Variants in H2BK1 observed in about 807,000 individuals in gnomAD.
H2BK1 encodes the protein H2B.K variant histone 1.
At chr7:151,208,729 G>A in the H2BK1 span, among the ~76,000 whole-genome samples, 1 of 152,242 alleles carries the variant, frequency 6.6e-6, no homozygotes, top group African/African-American at 2.4e-5. Context: ...CTGTTCTGCA[G>A]CTGTACTGTG....
chr7:151,208,468 A>G, the H2BK1 span, among the ~76,000 whole-genome samples: 1 of 152,240 alleles, frequency 6.6e-6, no homozygotes, highest in Non-Finnish European at 1.5e-5. Flanking sequence ...GTATGGATGT[A>G]TCATACTTCC....
the H2BK1 span, among the ~76,000 whole-genome samples, chr7:151,208,472 T>C: frequency 1.3e-5 from 2 of 152,262 alleles, no homozygotes; most frequent in Non-Finnish European, 1.5e-5. Flanking sequence ...GGATGTATCA[T>C]ACTTCCTAAC....
At chr7:151,209,158 C>T in the H2BK1 span, among the ~76,000 whole-genome samples, 1 of 152,078 alleles carries the variant, frequency 6.6e-6, no homozygotes, top group South Asian at 2.1e-4. Flanking sequence ...TTGTCCCACC[C>T]ATCAGTTGCA....
At chr7:151,207,923 T>C in the H2BK1 span, 3 of 1,192,804 alleles carry the variant, frequency 2.5e-6, no homozygotes, top group Non-Finnish European at 2.5e-6. Context: ...AGACACAGCG[T>C]GCTTGGCCAG....
chr7:151,210,415 AG>A, the H2BK1 span: 11,910 of 258,780 alleles, frequency 0.046, 485 homozygotes, highest in South Asian at 0.2. Flanking sequence ...TGCACCTGGG[AG>A]GGGGGGGGGG....
the H2BK1 span, chr7:151,208,007 G>T: frequency 6.3e-7 from 1 of 1,586,486 alleles, no homozygotes; most frequent in Non-Finnish European, 8.7e-7. Flanking sequence ...CGAGTACTGG[G>T]CCAGCCGGGC....
At chr7:151,210,278 CG>C in the H2BK1 span, 1 of 399,262 alleles carries the variant, frequency 2.5e-6, no homozygotes, top group Non-Finnish European at 4.4e-6. Flanking sequence ...GCGACCCCCA[CG>C]GCCCCCGGGC....
chr7:151,209,506 T>C, the H2BK1 span, among the ~76,000 whole-genome samples: 4 of 152,248 alleles, frequency 2.6e-5, no homozygotes, highest in African/African-American at 9.6e-5. Flanking sequence ...GCAGCAGCTT[T>C]GGATCCTCCA....
chr7:151,209,839 A>G, the H2BK1 span, among the ~76,000 whole-genome samples: 1 of 152,110 alleles, frequency 6.6e-6, no homozygotes. Flanking sequence ...TCACCAACAC[A>G]CTTTGTATCA....
chr7:151,209,338 G>GT, the H2BK1 span, among the ~76,000 whole-genome samples: 1 of 150,486 alleles, frequency 6.6e-6, no homozygotes, highest in East Asian at 2.0e-4. Context: ...AGGCACCCAG[G>GT]TTGTCAATTC....
At chr7:151,207,906 T>C in the H2BK1 span, 1 of 1,102,588 alleles carries the variant, frequency 9.1e-7, no homozygotes, top group South Asian at 1.2e-5. Context: ...ACAGCCTTGG[T>C]GCCCTCAGAC....
chr7:151,210,402 A>C, the H2BK1 span: 1 of 198,654 alleles, frequency 5.0e-6, no homozygotes, highest in Non-Finnish European at 8.5e-6. Flanking sequence ...GTGGCTGGGG[A>C]CATGCACCTG....
the H2BK1 span, chr7:151,210,231 G>A: frequency 7.9e-4 from 315 of 399,174 alleles, 1 homozygote; most frequent in Middle Eastern, 1.3e-3. Flanking sequence ...GACTCCTTGC[G>A]CCGACAGCGC....
chr7:151,209,528 T>A, the H2BK1 span, among the ~76,000 whole-genome samples: 2 of 152,164 alleles, frequency 1.3e-5, no homozygotes, highest in African/African-American at 4.8e-5. Context: ...ACAAATTGAT[T>A]GTCAGTGTTC....
At chr7:151,208,471 A>G in the H2BK1 span, among the ~76,000 whole-genome samples, 1 of 152,214 alleles carries the variant, frequency 6.6e-6, no homozygotes, top group South Asian at 2.1e-4. Context: ...TGGATGTATC[A>G]TACTTCCTAA....
At chr7:151,208,193 T>C in the H2BK1 span, 3 of 1,418,662 alleles carry the variant, frequency 2.1e-6, no homozygotes, top group Non-Finnish European at 3.0e-6. Flanking sequence ...AGCCCTGAGC[T>C]GGGGGCTCTA....
the H2BK1 span, chr7:151,208,165 G>A: frequency 1.3e-6 from 2 of 1,553,642 alleles, no homozygotes; most frequent in Non-Finnish European, 1.8e-6. Flanking sequence ...GGGGGGTCCT[G>A]CCTACACTGC....
the H2BK1 span, chr7:151,210,282 C>T: frequency 1.0e-5 from 4 of 399,058 alleles, no homozygotes; most frequent in Admixed American, 1.8e-4. Flanking sequence ...CCCCCACGGC[C>T]CCCGGGCTGC....
the H2BK1 span, among the ~76,000 whole-genome samples, chr7:151,209,689 G>A: frequency 6.6e-6 from 1 of 152,134 alleles, no homozygotes; most frequent in Admixed American, 6.5e-5. Context: ...TGTGATGCAG[G>A]AACCCCATGG....
Sources: gnomAD v4.1 joint callset for allele counts (sites outside exome capture counted in the v4.1 genomes callset) on GRCh38, gnomAD v4.1.1 for gene constraint, MANE v1.5 for transcripts, NCBI Gene and HGNC (gene_info 2026-07-23, HGNC 2026-07-21) for gene names.